The following UGGT2 variants were observed in gnomAD, a reference collection of about 807,000 sequenced individuals.
The protein encoded by UGGT2 is UDP-glucose:glycoprotein glucosyltransferase 2.
In UGGT2, 180 loss-of-function variants were observed where a neutral mutation model predicts 192.1. The ratio of observed to expected loss-of-function variants is 0.94; its 90% CI spans 0.83 to 1.06. UGGT2 has a LOEUF of 1.06. UGGT2 is among the 50% of genes least tolerant of loss of function. UGGT2 has a pLI of 0.00. For missense variants in UGGT2, 1,849 were observed against 1,795.7 expected (o/e 1.03, Z -0.54); for synonymous variants, 580 against 591.0 (o/e 0.98, Z 0.27).
At chr13:95,839,039 C>T (rs1439082657) in intron 36 of UGGT2, among the ~76,000 whole-genome samples, 1 of 152,054 alleles carries the variant, frequency 6.6e-6, no homozygotes, top group Non-Finnish European at 1.5e-5. Flanking sequence ...TCTTATTCTT[C>T]TCTCACTTAG....
chr13:95,863,796 G>A (rs1348348764), intron 30 of UGGT2, 82 bp from the exon 31 acceptor site: 21 of 1,059,796 alleles, frequency 2.0e-5, no homozygotes, highest in South Asian at 1.2e-4. Flanking sequence ...CATATTGGGC[G>A]AGATTACCCA....
chr13:95,876,529 C>T lies in UGGT2; in HGVS notation c.3473+750G>A, dbSNP rs140543730. 2.0e-5 allele frequency among the ~76,000 whole-genome samples: 3 copies of T among 152,250 alleles called. No individual in the cohort carries two copies. In the East Asian group the frequency reaches 5.8e-4, roughly 29 times the overall value. On this transcript the variant is annotated intron_variant, in intron 29 of 38. Coordinates refer to ENST00000376747, the MANE Select transcript of UGGT2 (RefSeq NM_020121.4). Reference sequence around the variant, plus strand: ...CATTAAGTTGGGGCTGTGAGGCCTACCTGGCTTTGGGTTTTACTGGGGTGA... The same window carrying T: ...CATTAAGTTGGGGCTGTGAGGCCTATCTGGCTTTGGGTTTTACTGGGGTGA...
At chr13:95,855,065 A>G (rs980949160) in intron 34 of UGGT2, among the ~76,000 whole-genome samples, 3 of 149,138 alleles carry the variant, frequency 2.0e-5, no homozygotes, top group Non-Finnish European at 3.0e-5. Flanking sequence ...TGAGGCCAGA[A>G]GTTTGAGACC....
chr13:95,965,508 G>A (rs1056080936), intron 12 of UGGT2, among the ~76,000 whole-genome samples: 2 of 147,546 alleles, frequency 1.4e-5, no homozygotes, highest in Admixed American at 6.9e-5. Flanking sequence ...ACCAAACACC[G>A]CCATGTTCTC....
chr13:95,894,462 CTT>C, intron 24 of UGGT2, 98 bp downstream of exon 24: 1 of 927,802 alleles, frequency 1.1e-6, no homozygotes. Context: ...TAATAAATAA[CTT>C]TTAATTCTAC....
chr13:95,928,731 G>A lies in UGGT2; in HGVS notation c.1978-1395C>T, dbSNP rs566682019. ...CCAGACTGGGCGGCTGGGCAGAGGGGCTCCTCACATCCCAGATGATGTGCG... is the reference window on the plus strand; with the variant it reads ...CCAGACTGGGCGGCTGGGCAGAGGGACTCCTCACATCCCAGATGATGTGCG... On this transcript the variant is annotated intron_variant, in intron 17 of 38. Transcript: ENST00000376747. Among the ~76,000 whole-genome samples the A allele has an allele frequency of 1.2e-4, 19 of 152,170 alleles. No individual in the cohort carries two copies. The South Asian group carries it at 3.3e-3, about 27-fold the overall frequency.
chr13:95,850,251 A>C (rs1321092991), intron 36 of UGGT2, among the ~76,000 whole-genome samples: 2 of 152,212 alleles, frequency 1.3e-5, no homozygotes, highest in Admixed American at 1.3e-4. Context: ...TGAATGTAGA[A>C]AGAAAAGTAG....
In UGGT2 at chr13:95,927,288, T is replaced by C; in HGVS notation, c.2026A>G (p.Asn676Asp). The change falls in exon 18 of 39, where the codon AAT (asparagine) becomes GAT (aspartate). Residue 676 changes from asparagine to aspartate, a missense_variant. Coordinates refer to ENST00000376747, the MANE Select transcript of UGGT2 (RefSeq NM_020121.4). The stretch of plus-strand genomic sequence containing the variant: ...GTATTTATACGGGGTACAACATTAT[T>C]CCTATCCATTAGAAAATCAATTGCA... ...TNAIDFLMDR[N>D]NVVPRINTLI... 6.2e-7 allele frequency: 1 copy of C among 1,610,618 alleles called. No homozygotes were observed. The highest frequency in any genetic ancestry group is 8.5e-7 in the Non-Finnish European group (1 of 1,179,122).
chr13:96,033,084 A>G (rs1034686412), intron 1 of UGGT2, among the ~76,000 whole-genome samples: 4 of 152,200 alleles, frequency 2.6e-5, no homozygotes, highest in African/African-American at 9.6e-5. Context: ...CCAGCTAACA[A>G]GGGAAGTGAA....
intron 35 of UGGT2, among the ~76,000 whole-genome samples, chr13:95,853,977 C>T (rs1233761020): frequency 6.6e-6 from 1 of 152,120 alleles, no homozygotes; most frequent in Non-Finnish European, 1.5e-5. Flanking sequence ...AAGTTTAAAT[C>T]TTCTGGAGTA....
intron 36 of UGGT2, among the ~76,000 whole-genome samples, chr13:95,842,760 C>A (rs1868569094): frequency 6.6e-6 from 1 of 152,180 alleles, no homozygotes; most frequent in African/African-American, 2.4e-5. Context: ...TGCCTATAGC[C>A]ACATCCAGCA....
At chr13:95,809,724 G>C (rs1400644845) in intron 38 of UGGT2, 2 of 156,110 alleles carry the variant, frequency 1.3e-5, no homozygotes, top group Non-Finnish European at 2.9e-5. Context: ...CTGCCTCTTG[G>C]TTGGCAGGAG....
intron 38 of UGGT2, among the ~76,000 whole-genome samples, chr13:95,812,390 T>G (rs952567201): frequency 6.6e-6 from 1 of 152,146 alleles, no homozygotes; most frequent in Admixed American, 6.6e-5. Context: ...GTCTTTAAGA[T>G]TGGATAAAAA....
intron 36 of UGGT2, among the ~76,000 whole-genome samples, chr13:95,839,801 T>C (rs1231643702): frequency 6.6e-6 from 1 of 152,196 alleles, no homozygotes; most frequent in Non-Finnish European, 1.5e-5. Flanking sequence ...ACTCTTGTTA[T>C]TGTCAATCTT....
At chr13:95,898,400 A>G (rs991354804) in intron 22 of UGGT2, among the ~76,000 whole-genome samples, 1 of 151,962 alleles carries the variant, frequency 6.6e-6, no homozygotes, top group Non-Finnish European at 1.5e-5. Context: ...TATTCTTAGA[A>G]TAGCAGACAT....
chr13:96,050,923 G>A (rs1334683257), intron 1 of UGGT2, among the ~76,000 whole-genome samples: 1 of 152,180 alleles, frequency 6.6e-6, no homozygotes, highest in Non-Finnish European at 1.5e-5. Flanking sequence ...AGACATTGTG[G>A]CGATTCCTCA....
At chr13:95,946,694 C>T (rs1160906115) in intron 15 of UGGT2, among the ~76,000 whole-genome samples, 1 of 152,026 alleles carries the variant, frequency 6.6e-6, no homozygotes, top group Non-Finnish European at 1.5e-5. Flanking sequence ...TTAATCAAAG[C>T]CTAGTTCAAG....
intron 5 of UGGT2, among the ~76,000 whole-genome samples, chr13:96,010,631 T>C (rs992274115): frequency 2.0e-5 from 3 of 152,162 alleles, no homozygotes; most frequent in Non-Finnish European, 2.9e-5. Context: ...AATCAAAGGA[T>C]GTCTAAATAA....
rs1415474265 is a variant in UGGT2 at position 95,861,975 on chromosome 13, C to T, written c.3645-1092G>A. On this transcript the variant is annotated intron_variant, in intron 31 of 38. Transcript: ENST00000376747. ...GGTATCCTTTTAATATAGCAAGTGG[C>T]TATACCATAATTGAACAGTTATCCT... 2.6e-5 allele frequency among the ~76,000 whole-genome samples: 4 copies of T among 152,162 alleles called. No homozygotes were observed. In the East Asian group the frequency reaches 7.7e-4, roughly 29 times the overall value.
Sources: allele counts gnomAD v4.1 joint callset (sites outside exome capture counted in the v4.1 genomes callset), GRCh38; gene constraint gnomAD v4.1.1; transcripts MANE v1.5; gene names NCBI Gene and HGNC (gene_info 2026-07-23, HGNC 2026-07-21).